MCC: variants seen among roughly 807,000 people sequenced by gnomAD.
The protein encoded by MCC is colorectal mutant cancer protein.
A neutral mutation model predicts 116.2 loss-of-function variants in MCC; 90 were observed. The ratio of observed to expected loss-of-function variants is 0.77; its 90% CI spans 0.65 to 0.92. The LOEUF (loss-of-function observed/expected upper bound fraction) is 0.92. Among genes scored for constraint, MCC ranks in the 40% least tolerant of loss-of-function variants. MCC has a pLI of 0.00. For missense variants in MCC, 1,516 were observed against 1,312.2 expected (o/e 1.16, Z -2.40); for synonymous variants, 578 against 510.5 (o/e 1.13, Z -1.78).
chr5:113,064,189 G>A (rs757463685), intron 13 of MCC, 22 bp from the exon 14 acceptor site: 65 of 1,594,652 alleles, frequency 4.1e-5, no homozygotes, highest in Non-Finnish European at 5.0e-5. Context: ...AGAAGCCAAC[G>A]GATTAATCAA....
chr5:113,030,461 T>C (rs1750877338), intron 17 of MCC, among the ~76,000 whole-genome samples: 1 of 152,136 alleles, frequency 6.6e-6, no homozygotes. Context: ...TGTGGATTAC[T>C]TGAGCTCAGA....
chr5:113,344,696 C>A (rs530454865), intron 2 of MCC, among the ~76,000 whole-genome samples: 7 of 152,066 alleles, frequency 4.6e-5, no homozygotes, highest in African/African-American at 1.7e-4. Context: ...CAGAAAGGAA[C>A]CTTCTGCCTT....
intron 2 of MCC, among the ~76,000 whole-genome samples, chr5:113,351,757 G>C (rs1362721140): frequency 6.6e-6 from 1 of 152,166 alleles, no homozygotes; most frequent in East Asian, 1.9e-4. Flanking sequence ...CTTTTACCAT[G>C]ATGTGATTAT....
intron 3 of MCC, among the ~76,000 whole-genome samples, chr5:113,236,681 T>C (rs942684572): frequency 2.6e-5 from 4 of 152,184 alleles, no homozygotes; most frequent in African/African-American, 9.7e-5. Context: ...AGTGAGTCAC[T>C]CTGAGGTACA....
At chr5:113,225,206 G>A (rs575268064) in intron 3 of MCC, among the ~76,000 whole-genome samples, 203 of 152,240 alleles carry the variant, frequency 1.3e-3, no homozygotes, top group Non-Finnish European at 1.7e-3. Flanking sequence ...CTGACTTCAC[G>A]TATGACACTT....
At chr5:113,355,104 T>C (rs1483878521) in intron 2 of MCC, among the ~76,000 whole-genome samples, 1 of 152,138 alleles carries the variant, frequency 6.6e-6, no homozygotes, top group East Asian at 1.9e-4. Context: ...AATTCGCATT[T>C]TGCCTGTATT....
At chr5:113,482,092 T>C (rs1045200849) in intron 1 of MCC, among the ~76,000 whole-genome samples, 3 of 152,262 alleles carry the variant, frequency 2.0e-5, no homozygotes, top group African/African-American at 4.8e-5. Context: ...CATGTATTAG[T>C]ACCTCATTCC....
At chr5:113,217,509 C>T (rs1482948687) in intron 3 of MCC, among the ~76,000 whole-genome samples, 1 of 148,966 alleles carries the variant, frequency 6.7e-6, no homozygotes, top group Non-Finnish European at 1.5e-5. Context: ...TACATGGGGG[C>T]TAGAACAGAG....
intron 6 of MCC, among the ~76,000 whole-genome samples, chr5:113,116,583 A>G (rs79778386): frequency 0.016 from 2,461 of 152,358 alleles, 56 homozygotes; most frequent in African/African-American, 0.057. Flanking sequence ...AATGCTGTAG[A>G]TTAATGCCTT....
chr5:113,265,323 C>T (rs1187896652), intron 3 of MCC, among the ~76,000 whole-genome samples: 1 of 152,114 alleles, frequency 6.6e-6, no homozygotes, highest in African/African-American at 2.4e-5. Flanking sequence ...CCCAACCCAA[C>T]CTGGTATCTA....
chr5:113,107,208 CTTTTTTTTTTTTCT>C (rs1561355960), intron 6 of MCC, among the ~76,000 whole-genome samples: 2 of 125,070 alleles, frequency 1.6e-5, no homozygotes, highest in African/African-American at 7.0e-5. Context: ...GCATGTTTTT[CTTTTTTTTTTTTCT>C]TTTTTTTTTT....
At chr5:113,228,043 T>C (rs1763810806) in intron 3 of MCC, among the ~76,000 whole-genome samples, 1 of 152,234 alleles carries the variant, frequency 6.6e-6, no homozygotes, top group African/African-American at 2.4e-5. Flanking sequence ...TTAGCCCCAA[T>C]GAGCCTGGGC....
At chr5:113,430,511 G>A (rs1043804994) in intron 1 of MCC, among the ~76,000 whole-genome samples, 2 of 152,310 alleles carry the variant, frequency 1.3e-5, no homozygotes, top group Non-Finnish European at 2.9e-5. Flanking sequence ...TTGAGAAGAT[G>A]ACATTGGCAG....
rs1167815128 is a variant in MCC, at chr5:113,135,410, T to C, written c.884+7808A>G. 7.3e-3 allele frequency among the ~76,000 whole-genome samples: 1,072 copies of C among 146,826 alleles called. 3 individuals carry two copies. Among genetic ancestry groups the C allele is most frequent in the Non-Finnish European group, 9.8e-3 (652 of 66,544 alleles). ...TCTACTAAAAATACAAAAAAAAAAA[T>C]TAGCCGGGTGTGGTGGTGGGAGCCT... is the stretch of plus-strand genomic sequence containing the variant. On this transcript the variant is annotated intron_variant, in intron 5 of 18. Coordinates refer to ENST00000408903, the MANE Select transcript of MCC (RefSeq NM_001085377.2).
intron 1 of MCC, among the ~76,000 whole-genome samples, chr5:113,422,140 T>A (rs1052142703): frequency 1.3e-5 from 2 of 152,200 alleles, no homozygotes; most frequent in Non-Finnish European, 2.9e-5. Context: ...AAGCCTTGAT[T>A]TGGAGCATTT....
At chr5:113,079,644 A>C (rs1444015251) in intron 11 of MCC, among the ~76,000 whole-genome samples, 4 of 152,172 alleles carry the variant, frequency 2.6e-5, no homozygotes, top group Non-Finnish European at 5.9e-5. Context: ...TTACACCTTA[A>C]ACAAAAATTA....
At chr5:113,323,434 G>A (rs1397012522) in intron 3 of MCC, among the ~76,000 whole-genome samples, 1 of 152,216 alleles carries the variant, frequency 6.6e-6, no homozygotes, top group East Asian at 1.9e-4. Flanking sequence ...AGACATTTAA[G>A]CTGAGAATGG....
chr5:113,209,768 T>G (rs1405063301), intron 3 of MCC, among the ~76,000 whole-genome samples: 1 of 152,174 alleles, frequency 6.6e-6, no homozygotes, highest in Non-Finnish European at 1.5e-5. Flanking sequence ...GTGTACTTCC[T>G]GGGATGTCAT....
At chr5:113,192,967 C>T (rs1174576007) in intron 3 of MCC, among the ~76,000 whole-genome samples, 1 of 152,192 alleles carries the variant, frequency 6.6e-6, no homozygotes, top group Non-Finnish European at 1.5e-5. Context: ...AGTCTAAAAC[C>T]ATTTCGTTAG....
Sources: allele counts gnomAD v4.1 joint callset (sites outside exome capture counted in the v4.1 genomes callset), GRCh38; gene constraint gnomAD v4.1.1; transcripts MANE v1.5; gene names NCBI Gene and HGNC (gene_info 2026-07-23, HGNC 2026-07-21).